The following LIPA variants were observed in gnomAD, a reference collection of about 807,000 sequenced individuals.
LIPA encodes lipase A, lysosomal acid type, also known as lysosomal acid lipase/cholesteryl ester hydrolase.
A neutral mutation model predicts 40.6 loss-of-function variants in LIPA; 26 were observed. The ratio of observed to expected loss-of-function variants is 0.64; its 90% CI spans 0.47 to 0.89. The LOEUF is 0.89. Ranked by LOEUF, LIPA falls within the 40% of genes least tolerant of loss-of-function variation. The pLI, the probability that LIPA is intolerant of heterozygous loss-of-function variation, is 0.00. For missense variants in LIPA, 455 were observed against 479.6 expected (o/e 0.95, Z 0.48); for synonymous variants, 188 against 168.4 (o/e 1.12, Z -0.90).
intron 1 of LIPA, among the ~76,000 whole-genome samples, chr10:89,313,200 G>C (rs954495837): frequency 6.6e-6 from 1 of 152,166 alleles, no homozygotes; most frequent in Non-Finnish European, 1.5e-5. Context: ...CTGAGACTCT[G>C]TATTTCTCAC....
At chr10:89,394,393 G>A (rs1844302991) in intron 2 of LIPA, among the ~76,000 whole-genome samples, 1 of 151,978 alleles carries the variant, frequency 6.6e-6, no homozygotes, top group East Asian at 1.9e-4. Flanking sequence ...AGATCACACA[G>A]ACAATAAGTG....
intron 6 of LIPA, among the ~76,000 whole-genome samples, chr10:89,224,423 GC>G (rs1842740602): frequency 6.6e-6 from 1 of 152,134 alleles, no homozygotes; most frequent in Non-Finnish European, 1.5e-5. Flanking sequence ...CTTCTAAATG[GC>G]CCATGAGAGA....
chr10:89,296,682 T>C (rs571983313), intron 1 of LIPA, among the ~76,000 whole-genome samples: 1 of 152,190 alleles, frequency 6.6e-6, no homozygotes, highest in East Asian at 1.9e-4. Flanking sequence ...AAAATTATGG[T>C]AAATAACTTT....
chr10:89,327,969 T>C, intron 1 of LIPA: 1 of 1,219,890 alleles, frequency 8.2e-7, no homozygotes, highest in South Asian at 1.2e-5. Flanking sequence ...CCCACCCCTT[T>C]ATATAGTTCC....
chr10:89,394,783 T>A (rs973619910), intron 2 of LIPA, among the ~76,000 whole-genome samples: 1 of 151,878 alleles, frequency 6.6e-6, no homozygotes, highest in African/African-American at 2.4e-5. Context: ...ACTATCTAGT[T>A]CAAGAACATT....
At chr10:89,413,778 A>AC in intron 1 of LIPA, among the ~76,000 whole-genome samples, 1 of 148,866 alleles carries the variant, frequency 6.7e-6, no homozygotes, top group South Asian at 2.1e-4. Context: ...AAAAAAAAAA[A>AC]AAAACCAAAA....
chr10:89,314,694 C>T (rs569302243), intron 1 of LIPA: 2 of 152,152 alleles, frequency 1.3e-5, no homozygotes, highest in Non-Finnish European at 2.9e-5. Flanking sequence ...GTATGAATTT[C>T]TTAATGATGC....
chr10:89,302,042 T>G, intron 1 of LIPA: 1 of 1,550,034 alleles, frequency 6.5e-7, no homozygotes, highest in Non-Finnish European at 8.9e-7. Context: ...CAGCATTTAT[T>G]GGTGGCAGAA....
At chr10:89,258,635 C>T (rs531087730) in intron 1 of LIPA, among the ~76,000 whole-genome samples, 1 of 152,126 alleles carries the variant, frequency 6.6e-6, no homozygotes, top group Admixed American at 6.5e-5. Flanking sequence ...GGAAAACAGT[C>T]TGTCTGGAAG....
chr10:89,368,061 T>C (rs1250625725), intron 2 of LIPA, among the ~76,000 whole-genome samples: 2 of 152,112 alleles, frequency 1.3e-5, no homozygotes, highest in Non-Finnish European at 2.9e-5. Context: ...CCTCAAGAAG[T>C]CCTCCTGCCT....
At chr10:89,227,083 G>A in intron 4 of LIPA, 79 bp from the exon 5 acceptor site, 1 of 913,510 alleles carries the variant, frequency 1.1e-6, no homozygotes, top group Non-Finnish European at 1.8e-6. Flanking sequence ...GCAGTTTGAT[G>A]AGTTATCACA....
rs1487428450 is a variant in LIPA at position 89,228,230 on chromosome 10, G to A, written c.398C>T (p.Ser133Leu). 1.2e-6 allele frequency: 2 copies of A among 1,613,776 alleles called. No individual in the cohort carries two copies. Among genetic ancestry groups the A allele is most frequent in the Non-Finnish European group, 1.7e-6 (2 of 1,179,816 alleles). The change falls in exon 4 of 10, where the codon TCA (serine) becomes TTA (leucine). Residue 133 changes from serine to leucine, a missense_variant. Physicochemically the swap from Ser to Leu is moderately radical, Grantham distance 145. Coordinates refer to ENST00000336233, the MANE Select transcript of LIPA (RefSeq NM_000235.4). ...AGCCCAGAATTCATCCTGAGAAACT[G>A]AGAGTGTCTTATGTTTCCGAGACCA... ...NTWSRKHKTL[S>L]VSQDEFWAFS...
rs554769041 is a variant in LIPA at position 89,410,751 on chromosome 10, G to A, written c.61+2040C>T. Among the ~76,000 whole-genome samples the A allele has an allele frequency of 5.9e-5, 9 of 152,360 alleles. No homozygotes were observed. In the South Asian group the frequency reaches 1.0e-3, roughly 18 times the overall value. Reference sequence around the variant, plus strand: ...GGGAACCCCCATTAAATAACACAGGGAAACCACGGAGTTATTGCACGCGGT... The same window carrying A: ...GGGAACCCCCATTAAATAACACAGGAAAACCACGGAGTTATTGCACGCGGT... On this transcript the variant is annotated intron_variant, in intron 2 of 8. Coordinates refer to the LIPA transcript ENST00000371837.
rs775445402 is a variant in LIPA, at chr10:89,225,148, C to T, written c.619G>A (p.Ala207Thr). Residue 207 changes from alanine (A) to threonine (T), a missense_variant, in exon 6 of 10, where the codon GCC becomes ACC. Transcript: ENST00000336233. ...TTGGCCATAGGGCTAGTACAGAAGG[C>T]GACGGAAGCCACAGGACCCAGGGCA... ...FFALGPVASV[A>T]FCTSPMAKLG... 5.6e-6 allele frequency: 9 copies of T among 1,614,054 alleles called. No individual in the cohort carries two copies. The South Asian group carries it at 7.7e-5, about 14-fold the overall frequency.
chr10:89,293,686 G>GAC (rs901302957), intron 1 of LIPA: 1 of 143,108 alleles, frequency 7.0e-6, no homozygotes, highest in Non-Finnish European at 1.5e-5. Flanking sequence ...AGATGAGAGA[G>GAC]AGAGAGAGAG....
rs959720142 is a variant in LIPA at position 89,245,263 on chromosome 10, C to T, written c.229+413G>A. Among the ~76,000 whole-genome samples, 64 of 151,938 alleles carry T rather than the reference C, an allele frequency of 4.2e-4. 1 individual carries two copies. Among genetic ancestry groups the T allele is most frequent in the African/African-American group, 1.5e-3 (64 of 41,382 alleles). On this transcript the variant is annotated intron_variant, in intron 3 of 9. Transcript: ENST00000336233. The stretch of plus-strand genomic sequence containing the variant: ...AATGAAGTTATTTCAAAAAGATACA[C>T]AAAAAAGCAGGAAGTAGGGAGTGAG...
intron 2 of LIPA, chr10:89,404,041 C>T (rs1234690782): frequency 5.4e-6 from 1 of 184,594 alleles, no homozygotes; most frequent in African/African-American, 2.4e-5. Flanking sequence ...TTAGCTCCTC[C>T]ACCAACTGAA....
At chr10:89,383,935 C>A (rs758792760) in intron 2 of LIPA, 2 of 1,614,174 alleles carry the variant, frequency 1.2e-6, no homozygotes, top group Non-Finnish European at 1.7e-6. Context: ...CGTCCTAAAA[C>A]GAGCTGTCAG....
At chr10:89,309,420 G>T (rs1564782901) in intron 1 of LIPA, 1 of 152,168 alleles carries the variant, frequency 6.6e-6, no homozygotes, top group Non-Finnish European at 1.5e-5. Context: ...AACTGCAAAG[G>T]TAAACTCATT....
Sources: allele counts gnomAD v4.1 joint callset (sites outside exome capture counted in the v4.1 genomes callset), GRCh38; gene constraint gnomAD v4.1.1; transcripts MANE v1.5; gene names NCBI Gene and HGNC (gene_info 2026-07-23, HGNC 2026-07-21).